Variants in PTER observed in about 807,000 individuals in gnomAD.
PTER encodes phosphotriesterase related.
PTER carries 38 observed loss-of-function variants against 29.6 expected under a neutral mutation model. The observed-to-expected ratio is 1.28, with a 90% CI of 0.99 to 1.68. The LOEUF is 1.68. PTER is among the 40% of genes most tolerant of loss of function. The pLI, the probability that PTER is intolerant of heterozygous loss-of-function variation, is 0.00. For synonymous variants in PTER, 172 were observed against 154.5 expected, an observed-to-expected ratio of 1.11 and a Z score of -0.84; for missense variants, 482 against 427.8, an observed-to-expected ratio of 1.13 and a Z score of -1.12.
intron 1 of PTER, among the ~76,000 whole-genome samples, chr10:16,482,904 C>T (rs1394773984): frequency 6.6e-6 from 1 of 152,064 alleles, no homozygotes; most frequent in East Asian, 1.9e-4. Flanking sequence ...GCCTCAGCCT[C>T]CCAAGTAGCT....
At chr10:16,500,192 A>G (rs1192165836) in intron 3 of PTER, among the ~76,000 whole-genome samples, 3 of 151,826 alleles carry the variant, frequency 2.0e-5, no homozygotes, top group Admixed American at 6.6e-5. Context: ...TCCGCTTTAT[A>G]TAAGTTTTTG....
chr10:16,514,432 C>T, downstream of PTER: 1 of 981,652 alleles, frequency 1.0e-6, no homozygotes, highest in South Asian at 1.5e-5. Flanking sequence ...ACTGAGGTGC[C>T]CTGCCATTGG....
chr10:16,446,144 G>A (rs1307205502), intron 1 of PTER, among the ~76,000 whole-genome samples: 4 of 152,044 alleles, frequency 2.6e-5, no homozygotes, highest in South Asian at 2.1e-4. Flanking sequence ...TGCAACCATA[G>A]TTGATCTTGA....
intron 1 of PTER, among the ~76,000 whole-genome samples, chr10:16,456,863 G>GGA (rs374886501): frequency 2.0e-5 from 1 of 49,936 alleles, no homozygotes; most frequent in Non-Finnish European, 3.3e-5. Flanking sequence ...TGGGGAAGGT[G>GGA]GGGGGGGGTT....
At chr10:16,462,125 A>G (rs933463334) in intron 1 of PTER, among the ~76,000 whole-genome samples, 4 of 151,870 alleles carry the variant, frequency 2.6e-5, no homozygotes, top group Admixed American at 6.6e-5. Flanking sequence ...ACCTGGAATT[A>G]CAGGCGCCTG....
rs1218452239 is a variant in PTER at position 16,513,066 on chromosome 10, C to T, written c.*1810C>T. 6.6e-6 allele frequency: 1 copy of T among 152,290 alleles called. No individual in the cohort carries two copies. Among genetic ancestry groups the T allele is most frequent in the Admixed American group, 6.6e-5 (1 of 15,266 alleles). The allele number at this position is 152,290 out of a possible 1,614,324, so 9.4% of individuals were successfully genotyped here. ...TCATAAACACTGCAAAGGAGAGCCA[C>T]TTGGTGTCTGCAGTCCTCATATTAA... On this transcript the variant is annotated 3_prime_UTR_variant, in exon 5 of 5. Transcript: ENST00000535784.
intron 1 of PTER, among the ~76,000 whole-genome samples, chr10:16,470,526 G>A (rs1331496417): frequency 1.3e-5 from 2 of 152,214 alleles, no homozygotes; most frequent in African/African-American, 2.4e-5. Flanking sequence ...CCAGCACTTT[G>A]GGAGATCGAG....
chr10:16,478,557 C>T (rs761062655), intron 1 of PTER, among the ~76,000 whole-genome samples: 9 of 152,006 alleles, frequency 5.9e-5, no homozygotes, highest in Non-Finnish European at 1.0e-4. Flanking sequence ...TAGTCTCGAA[C>T]ACCTGACCTC....
At position 16,511,138 on chromosome 10, in the gene PTER, A is replaced by G; in HGVS notation, c.932A>G (p.His311Arg). Residue 311 changes from histidine to arginine, a missense_variant, in exon 5 of 5, where the codon CAC becomes CGC. His to Arg is a conservative substitution (Grantham distance 29). Transcript: ENST00000535784. Reference sequence around the variant, plus strand: ...ACCCGGCTGATGAAATATGGAGGTCACGGCTATTCTCATATACTCACCAAT... The same window carrying G: ...ACCCGGCTGATGAAATATGGAGGTCGCGGCTATTCTCATATACTCACCAAT... ...TKTRLMKYGGHGYSHILTNVV... is the reference protein window; with the variant it reads ...TKTRLMKYGGRGYSHILTNVV... 6.2e-7 allele frequency: 1 copy of G among 1,614,176 alleles called. No individual in the cohort carries two copies. The highest frequency in any genetic ancestry group is 8.5e-7 in the Non-Finnish European group (1 of 1,180,008).
intron 1 of PTER, among the ~76,000 whole-genome samples, chr10:16,453,467 C>T (rs1834286386): frequency 1.3e-5 from 2 of 152,036 alleles, no homozygotes; most frequent in African/African-American, 4.8e-5. Context: ...GTCAGCATCA[C>T]GTATTTGAAG....
At chr10:16,485,051 A>G (rs1355987528) in intron 2 of PTER, among the ~76,000 whole-genome samples, 1 of 152,348 alleles carries the variant, frequency 6.6e-6, no homozygotes, top group East Asian at 1.9e-4. Context: ...AGTGTCAAGG[A>G]AAGAGATCTT....
intron 3 of PTER, among the ~76,000 whole-genome samples, chr10:16,497,898 A>G (rs1836173958): frequency 6.6e-6 from 1 of 152,160 alleles, no homozygotes; most frequent in Admixed American, 6.5e-5. Context: ...CTGACAATAA[A>G]GAGCCGAATC....
intron 3 of PTER, among the ~76,000 whole-genome samples, chr10:16,494,980 T>C (rs1836037413): frequency 6.6e-6 from 1 of 152,120 alleles, no homozygotes; most frequent in Non-Finnish European, 1.5e-5. Context: ...TTTTTAAATA[T>C]TGCATTATAA....
chr10:16,450,505 C>T lies in PTER; in HGVS notation c.-49+13458C>T, dbSNP rs1272103369. Among the ~76,000 whole-genome samples, 42 of 152,186 alleles carry T rather than the reference C, an allele frequency of 2.8e-4. 1 individual carries two copies. The highest frequency in any genetic ancestry group is 2.7e-3 in the Admixed American group (42 of 15,282). On this transcript the variant is annotated intron_variant, in intron 1 of 4. Coordinates refer to ENST00000535784, the MANE Select transcript of PTER (RefSeq NM_001261836.2). ...TGGGTCATCCCACATGTCCCCATTC[C>T]AAGTTGCAGGGTCCCATTCTTTTCC...
intron 1 of PTER, among the ~76,000 whole-genome samples, chr10:16,470,103 A>T (rs575581718): frequency 6.6e-4 from 100 of 152,232 alleles, no homozygotes; most frequent in African/African-American, 2.4e-3. Context: ...GTTCATAGTC[A>T]ATATTTGGCA....
rs71374689 is a variant in PTER, at chr10:16,440,067, A to AT, written c.-49+3036dup. ...CAGTGGTCCAGGTTTTCCTAACAAG[A>AT]TTTTTTTTTTTTTTTTGTGGCAGGG... On this transcript the variant is annotated intron_variant, in intron 1 of 4. Coordinates refer to ENST00000535784, the MANE Select transcript of PTER (RefSeq NM_001261836.2). Among the ~76,000 whole-genome samples the AT allele has an allele frequency of 3.2e-3, 438 of 135,196 alleles. 10 individuals are homozygous for AT. The highest frequency in any genetic ancestry group is 9.6e-3 in the African/African-American group (341 of 35,576). The allele number at this position is 135,196 out of a possible 152,430, so 88.7% of individuals were successfully genotyped here.
In PTER at chr10:16,511,390, G is replaced by A; in HGVS notation, c.*134G>A. On this transcript the variant is annotated 3_prime_UTR_variant, in exon 5 of 5. Transcript: ENST00000535784. Reference sequence around the variant, plus strand: ...CATTTCCTTCTGATGAGAACTAGGAGGGTTTGCCTTCTCTGAGACCAGCTA... The same window carrying A: ...CATTTCCTTCTGATGAGAACTAGGAAGGTTTGCCTTCTCTGAGACCAGCTA... The A allele has an allele frequency of 2.4e-6, 2 of 822,068 alleles. No individual in the cohort carries two copies. Among genetic ancestry groups the A allele is most frequent in the East Asian group, 2.6e-5 (1 of 38,170 alleles). The allele number at this position is 822,068 out of a possible 1,614,324, so 50.9% of individuals were successfully genotyped here. A position where few individuals can be genotyped will look rare whatever the true frequency, so the allele number is the denominator to read the frequency against.
chr10:16,476,901 CTT>C (rs1010674988), intron 1 of PTER, among the ~76,000 whole-genome samples: 14 of 100,348 alleles, frequency 1.4e-4, no homozygotes, highest in Admixed American at 1.0e-4. Context: ...TCCTAGAATT[CTT>C]TTTTTTTTTT....
At chr10:16,470,884 T>C (rs2133415538) in intron 1 of PTER, among the ~76,000 whole-genome samples, 1 of 152,340 alleles carries the variant, frequency 6.6e-6, no homozygotes, top group African/African-American at 2.4e-5. Flanking sequence ...TCTTTTTTTT[T>C]TAACTTAAAA....
Sources: gnomAD v4.1 joint callset for allele counts (sites outside exome capture counted in the v4.1 genomes callset) on GRCh38, gnomAD v4.1.1 for gene constraint, MANE v1.5 for transcripts, NCBI Gene and HGNC (gene_info 2026-07-23, HGNC 2026-07-21) for gene names.